The following CCDC7 variants were observed in gnomAD, a reference collection of about 807,000 sequenced individuals.
CCDC7 encodes the protein coiled-coil domain containing 7, also known as coiled-coil domain-containing protein 7.
A neutral mutation model predicts 196.9 loss-of-function variants in CCDC7; 183 were observed. That is an observed-to-expected ratio of 0.93 (90% CI 0.82 to 1.05). The LOEUF (loss-of-function observed/expected upper bound fraction) is 1.05, where lower values mean the gene tolerates loss of function less well. Among genes scored for constraint, CCDC7 ranks in the 50% least tolerant of loss-of-function variants. The pLI is 0.00. For synonymous variants in CCDC7, 525 were observed against 484.6 expected, an observed-to-expected ratio of 1.08 and a Z score of -1.10; for missense variants, 1,540 against 1,482.2, an observed-to-expected ratio of 1.04 and a Z score of -0.64.
At chr10:32,654,297 G>T (rs538395133) in intron 20 of CCDC7, among the ~76,000 whole-genome samples, 52 of 152,256 alleles carry the variant, frequency 3.4e-4, no homozygotes, top group African/African-American at 1.1e-3. Flanking sequence ...TGTCTAGTAA[G>T]TCCAACATCT....
intron 13 of CCDC7, among the ~76,000 whole-genome samples, chr10:32,563,348 C>A (rs1414229265): frequency 6.6e-6 from 1 of 152,148 alleles, no homozygotes; most frequent in Admixed American, 6.5e-5. Context: ...CCAAGTCAAT[C>A]CTAAGCCAAA....
Position 32,786,969 on chromosome 10 carries a change from A to G in CCDC7, c.3013+7885A>G, listed in dbSNP as rs952393709. Among the ~76,000 whole-genome samples, 3 of 152,214 alleles carry G rather than the reference A, an allele frequency of 2.0e-5. No individual in the cohort carries two copies. In the East Asian group the frequency reaches 5.8e-4, roughly 29 times the overall value. On this transcript the variant is annotated intron_variant, in intron 29 of 41. Transcript: ENST00000639629. ...GAGATTCAACAGCAGATCTGAGCAG[A>G]CGAAAGAAGAATCAGTGAATCTGAA...
At chr10:32,527,219 C>A (rs1439125532) in intron 11 of CCDC7, among the ~76,000 whole-genome samples, 1 of 152,174 alleles carries the variant, frequency 6.6e-6, no homozygotes, top group Admixed American at 6.5e-5. Flanking sequence ...AAAGTCCCCC[C>A]ACTGTTGTGC....
At chr10:32,693,389 T>C (rs2077312847) in intron 23 of CCDC7, among the ~76,000 whole-genome samples, 1 of 152,168 alleles carries the variant, frequency 6.6e-6, no homozygotes, top group African/African-American at 2.4e-5. Flanking sequence ...TCTCTCTATT[T>C]CCTTCTCTAT....
intron 18 of CCDC7, among the ~76,000 whole-genome samples, chr10:32,627,957 T>C (rs1421433501): frequency 6.6e-6 from 1 of 152,064 alleles, no homozygotes; most frequent in Non-Finnish European, 1.5e-5. Flanking sequence ...TCATCAAGGA[T>C]ATTGGTCAGT....
At chr10:32,869,782 T>G (rs1028723393) in intron 41 of CCDC7, among the ~76,000 whole-genome samples, 8 of 148,940 alleles carry the variant, frequency 5.4e-5, no homozygotes, top group African/African-American at 1.7e-4. Flanking sequence ...TTTCTACATA[T>G]AGCTAGCCAG....
intron 28 of CCDC7, among the ~76,000 whole-genome samples, chr10:32,758,997 C>T (rs1347777553): frequency 6.6e-6 from 1 of 152,096 alleles, no homozygotes; most frequent in East Asian, 1.9e-4. Context: ...TTCACAATTG[C>T]TTCAAAGAGA....
chr10:32,831,997 C>G (rs2092232635), intron 32 of CCDC7, among the ~76,000 whole-genome samples: 1 of 152,042 alleles, frequency 6.6e-6, no homozygotes, highest in Non-Finnish European at 1.5e-5. Flanking sequence ...TTGTTTACAC[C>G]AGCATCATCA....
intron 38 of CCDC7, 130 bp downstream of exon 39, chr10:32,848,046 T>A: frequency 1.9e-6 from 1 of 530,208 alleles, no homozygotes; most frequent in Non-Finnish European, 3.2e-6. Context: ...TTTTCTCATA[T>A]AATTAGTTAA....
chr10:32,660,377 T>C (rs1331507737), intron 20 of CCDC7, among the ~76,000 whole-genome samples: 14 of 140,412 alleles, frequency 1.0e-4, no homozygotes, highest in Non-Finnish European at 1.5e-4. Context: ...TATGTGGTGT[T>C]TGGTTTTTTG....
intron 28 of CCDC7, among the ~76,000 whole-genome samples, chr10:32,746,162 G>A (rs2074690168): frequency 6.6e-6 from 1 of 152,112 alleles, no homozygotes; most frequent in South Asian, 2.1e-4. Flanking sequence ...GGACGGCATT[G>A]AGAGTGGACA....
At chr10:32,798,006 T>TTTA (rs1246191639) in intron 29 of CCDC7, among the ~76,000 whole-genome samples, 1 of 152,222 alleles carries the variant, frequency 6.6e-6, no homozygotes, top group Non-Finnish European at 1.5e-5. Flanking sequence ...GCTGCACTTC[T>TTTA]TTATCTATAA....
chr10:32,484,256 C>G (rs1210425437), intron 8 of CCDC7, among the ~76,000 whole-genome samples: 1 of 152,138 alleles, frequency 6.6e-6, no homozygotes, highest in Non-Finnish European at 1.5e-5. Context: ...CTCTTTGAAG[C>G]AATTGTGAAT....
At chr10:32,759,715 A>G (rs1376718228) in intron 28 of CCDC7, among the ~76,000 whole-genome samples, 1 of 152,226 alleles carries the variant, frequency 6.6e-6, no homozygotes, top group Non-Finnish European at 1.5e-5. Flanking sequence ...CACCAAAAGC[A>G]ATGGCAACAA....
intron 8 of CCDC7, among the ~76,000 whole-genome samples, chr10:32,484,857 C>T (rs193037695): frequency 2.6e-5 from 4 of 152,138 alleles, no homozygotes; most frequent in South Asian, 2.1e-4. Context: ...CCCACTTGAT[C>T]GTGGTGGATA....
At chr10:32,758,598 T>A (rs1344197061) in intron 28 of CCDC7, among the ~76,000 whole-genome samples, 1 of 152,100 alleles carries the variant, frequency 6.6e-6, no homozygotes, top group Non-Finnish European at 1.5e-5. Flanking sequence ...GGGACATATC[T>A]CAAAATAATG....
chr10:32,606,709 T>G (rs1242777188), intron 18 of CCDC7, among the ~76,000 whole-genome samples: 2 of 152,352 alleles, frequency 1.3e-5, no homozygotes, highest in East Asian at 3.9e-4. Context: ...AACTTCTCCC[T>G]TTAGGAACAG....
intron 13 of CCDC7, among the ~76,000 whole-genome samples, chr10:32,558,403 G>A (rs2054722312): frequency 6.6e-6 from 1 of 152,062 alleles, no homozygotes; most frequent in Non-Finnish European, 1.5e-5. Flanking sequence ...TTATGCATAT[G>A]TAGTTCAGGG....
At chr10:32,593,743 A>G (rs192978298) in intron 18 of CCDC7, among the ~76,000 whole-genome samples, 264 of 152,304 alleles carry the variant, frequency 1.7e-3, no homozygotes, top group African/African-American at 6.0e-3. Context: ...TAAGGAAGGG[A>G]TCCAGTTTCA....
Sources: gnomAD v4.1 joint callset for allele counts (sites outside exome capture counted in the v4.1 genomes callset) on GRCh38, gnomAD v4.1.1 for gene constraint, MANE v1.5 for transcripts, NCBI Gene and HGNC (gene_info 2026-07-23, HGNC 2026-07-21) for gene names.